The following POLDIP2 variants were observed in gnomAD, a reference collection of about 807,000 sequenced individuals.
POLDIP2 encodes DNA polymerase delta interacting protein 2.
POLDIP2 carries 32 observed loss-of-function variants against 52.9 expected under a neutral mutation model. That is an observed-to-expected ratio of 0.61 (90% confidence interval 0.46 to 0.81). The LOEUF is 0.81. POLDIP2 is among the 40% of genes least tolerant of loss of function. The pLI, the probability that POLDIP2 is intolerant of heterozygous loss-of-function variation, is 0.00. For synonymous variants in POLDIP2, 183 were observed against 183.0 expected (o/e 1.00, Z 0.00); for missense variants, 371 against 477.3 (o/e 0.78, Z 2.07).
intron 1 of POLDIP2, among the ~76,000 whole-genome samples, chr17:28,356,824 A>C (rs1908059504): frequency 6.6e-6 from 1 of 152,098 alleles, no homozygotes; most frequent in African/African-American, 2.4e-5. Context: ...CCCTTCCCCA[A>C]GTCACAGATA....
intron 2 of POLDIP2, 118 bp from the exon 3 acceptor site, chr17:28,354,703 C>T: frequency 1.5e-6 from 1 of 688,640 alleles, no homozygotes; most frequent in Non-Finnish European, 2.7e-6. Flanking sequence ...GCTACCTCTT[C>T]CCTTGAAGTC....
intron 2 of POLDIP2, among the ~76,000 whole-genome samples, chr17:28,354,792 C>CT (rs1467171922): frequency 3.3e-5 from 5 of 152,200 alleles, no homozygotes; most frequent in African/African-American, 4.8e-5. Context: ...TAGGTAAAAG[C>CT]TTAGGCCTCC....
rs1907615830 is a variant in POLDIP2, at chr17:28,347,329, T to G, written c.*788A>C. The G allele has an allele frequency of 6.6e-6, 1 of 152,248 alleles. No individual in the cohort carries two copies. The highest frequency in any genetic ancestry group is 2.4e-5 in the African/African-American group (1 of 41,454). The allele number at this position is 152,248 out of a possible 1,614,324, so 9.4% of individuals were successfully genotyped here. On this transcript the variant is annotated 3_prime_UTR_variant, in exon 11 of 11. Transcript: ENST00000540200. ...GGAAATCTGAGAGAAGCTCAGGAAG[T>G]AGCTTGACTTAGTCATCAATCCATA...
At chr17:28,353,912 C>T (rs1213354871) in intron 3 of POLDIP2, 121 bp from the exon 4 acceptor site, 24 of 699,428 alleles carry the variant, frequency 3.4e-5, no homozygotes, top group Non-Finnish European at 5.5e-5. Flanking sequence ...GCTTTAGCAC[C>T]AGCTGGACAC....
chr17:28,351,621 T>C (rs1039701739), intron 7 of POLDIP2, 43 bp downstream of exon 7: 22 of 1,600,874 alleles, frequency 1.4e-5, no homozygotes, highest in Non-Finnish European at 1.5e-5. Context: ...CCATACACCT[T>C]GGGGCCTACC....
chr17:28,350,528 A>G lies in POLDIP2; in HGVS notation c.822T>C (p.Ser274=). The G allele has an allele frequency of 6.2e-7, 1 of 1,613,776 alleles. No homozygotes were observed. Among genetic ancestry groups the G allele is most frequent in the Non-Finnish European group, 8.5e-7 (1 of 1,179,788 alleles). Residue 274 remains serine (S), a synonymous_variant, in exon 9 of 11, where the codon AGT becomes AGC. Coordinates refer to ENST00000540200, the MANE Select transcript of POLDIP2 (RefSeq NM_015584.5). ...RYCIRLENLD[S]DVVQLRERHW... is the part of the protein sequence containing the mutation. ...GCCGCTCCCGGAGCTGTACCACATC[A>G]CTGTCAAGGTTCTCCAAACGGATAC...
intron 7 of POLDIP2, 25 bp from the exon 8 acceptor site, chr17:28,350,817 A>C: frequency 1.3e-6 from 2 of 1,567,790 alleles, no homozygotes; most frequent in Non-Finnish European, 1.7e-6. Context: ...AAAAGAATTT[A>C]AGTCCCACAG....
At chr17:28,352,255 T>TTTTTTTTTTTTTG (rs2142396460) in intron 6 of POLDIP2, among the ~76,000 whole-genome samples, 5 of 147,170 alleles carry the variant, frequency 3.4e-5, no homozygotes, top group African/African-American at 7.6e-5. Context: ...TTTTTTTTTT[T>TTTTTTTTTTTTTG]GGAGACGGAG....
Position 28,349,068 on chromosome 17 carries a change from T to C in POLDIP2, c.992+15A>G, listed in dbSNP as rs1555579430. On this transcript the variant is annotated intron_variant, in intron 10 of 10. Coordinates refer to ENST00000540200, the MANE Select transcript of POLDIP2 (RefSeq NM_015584.5). ...TGGAGCTGGGTGGCCCCTACTGCTG[T>C]GCACACTCACTCACCACATGTGCCC... 1 of 1,593,754 alleles carries C rather than the reference T, an allele frequency of 6.3e-7. No individual in the cohort carries two copies. The highest frequency in any genetic ancestry group is 8.6e-7 in the Non-Finnish European group (1 of 1,162,676).
chr17:28,348,692 AT>A (rs1907680484), intron 10 of POLDIP2, among the ~76,000 whole-genome samples: 2 of 152,378 alleles, frequency 1.3e-5, no homozygotes, highest in South Asian at 2.1e-4. Flanking sequence ...AGCCTGGGCA[AT>A]AAGTGAAACT....
chr17:28,351,883 G>T (rs1369933569), intron 6 of POLDIP2, 83 bp from the exon 7 acceptor site: 1 of 1,305,224 alleles, frequency 7.7e-7, no homozygotes, highest in Non-Finnish European at 1.1e-6. Flanking sequence ...AGTCCAGTGC[G>T]ATTGCCCCTC....
Position 28,354,493 on chromosome 17 carries a change from T to C in POLDIP2, c.336A>G (p.Pro112=). The C allele has an allele frequency of 6.4e-7, 1 of 1,553,012 alleles. No homozygotes were observed. Among genetic ancestry groups the C allele is most frequent in the Non-Finnish European group, 8.7e-7 (1 of 1,147,446 alleles). Residue 112 remains proline (P), a synonymous_variant, in exon 3 of 11, where the codon CCA becomes CCG. Transcript: ENST00000540200. The part of the protein sequence containing the change: ...LYDRDVASAA[P]EKAENPAGHG... ...ACAACCACAGGGAAACTTACTTTTC[T>C]GGAGCTGCAGAAGCCACATCCCGGT... is the stretch of plus-strand genomic sequence containing the variant.
At chr17:28,355,723 G>T in intron 2 of POLDIP2, 72 bp downstream of exon 2, 1 of 1,071,750 alleles carries the variant, frequency 9.3e-7, no homozygotes, top group Non-Finnish European at 1.4e-6. Context: ...ATGCAGGCCT[G>T]TGACCTAATC....
chr17:28,348,037 G>T lies in POLDIP2; in HGVS notation c.*80C>A. On this transcript the variant is annotated 3_prime_UTR_variant, in exon 11 of 11. Coordinates refer to ENST00000540200, the MANE Select transcript of POLDIP2 (RefSeq NM_015584.5). ...GACCCACTGTGGCCCATGATGGGGAGAGAAGAGTTCTGCAGCAATTGTGGG... is the reference window on the plus strand; with the variant it reads ...GACCCACTGTGGCCCATGATGGGGATAGAAGAGTTCTGCAGCAATTGTGGG... The T allele has an allele frequency of 1.2e-6, 1 of 808,564 alleles. No homozygotes were observed. Among genetic ancestry groups the T allele is most frequent in the Non-Finnish European group, 2.1e-6 (1 of 471,278 alleles). The allele number at this position is 808,564 out of a possible 1,614,324, so 50.1% of individuals were successfully genotyped here. A position where few individuals can be genotyped will look rare whatever the true frequency, so the allele number is the denominator to read the frequency against.
At chr17:28,357,125 A>C (rs1419435740) in intron 1 of POLDIP2, among the ~76,000 whole-genome samples, 163 bp downstream of exon 1, 2 of 152,034 alleles carry the variant, frequency 1.3e-5, no homozygotes, top group Non-Finnish European at 2.9e-5. Context: ...TGCTCCTGGC[A>C]CATGTCCCAG....
Position 28,351,727 on chromosome 17 carries a change from A to G in POLDIP2, c.696T>C (p.Asp232=), listed in dbSNP as rs200594690. Residue 232 remains aspartate (D), a synonymous_variant, in exon 7 of 11, where the codon GAT becomes GAC. Coordinates refer to ENST00000540200, the MANE Select transcript of POLDIP2 (RefSeq NM_015584.5). Reference sequence around the variant, plus strand: ...TGTTCTCAGTTGTTTCCCGATGAACATCGGAGAGCTCCAGCCAGGGGTGAT... The same window carrying G: ...TGTTCTCAGTTGTTTCCCGATGAACGTCGGAGAGCTCCAGCCAGGGGTGAT... ...EKNHPWLELS[D]VHRETTENIR... 1.0e-4 allele frequency: 165 copies of G among 1,613,686 alleles called. 1 individual carries two copies. The highest frequency in any genetic ancestry group is 1.6e-4 in the Middle Eastern group (1 of 6,078).
chr17:28,352,482 C>T (rs1360917614), intron 6 of POLDIP2, among the ~76,000 whole-genome samples: 2 of 150,742 alleles, frequency 1.3e-5, no homozygotes, highest in Non-Finnish European at 2.9e-5. Context: ...GTGATCTGCC[C>T]GTGTCAGCCT....
chr17:28,352,787 C>T, intron 6 of POLDIP2, 125 bp downstream of exon 6: 1 of 622,672 alleles, frequency 1.6e-6, no homozygotes. Flanking sequence ...GATCCACCTG[C>T]CTGGGCCTCC....
chr17:28,350,096 A>C (rs1317427088), intron 9 of POLDIP2, among the ~76,000 whole-genome samples: 1 of 152,142 alleles, frequency 6.6e-6, no homozygotes, highest in African/African-American at 2.4e-5. Context: ...TGTGTGCCCC[A>C]CCTAACGACA....
Sources: gnomAD v4.1 joint callset for allele counts (sites outside exome capture counted in the v4.1 genomes callset) on GRCh38, gnomAD v4.1.1 for gene constraint, MANE v1.5 for transcripts, NCBI Gene and HGNC (gene_info 2026-07-23, HGNC 2026-07-21) for gene names.